MINDY4: variants seen among roughly 807,000 people sequenced by gnomAD.
MINDY4 encodes the protein probable ubiquitin carboxyl-terminal hydrolase MINDY-4.
In MINDY4, 68 loss-of-function variants were observed where a neutral mutation model predicts 87.0. That is an observed-to-expected ratio of 0.78 (90% confidence interval 0.64 to 0.96). The LOEUF (loss-of-function observed/expected upper bound fraction) is 0.96. Among genes scored for constraint, MINDY4 ranks in the 40% least tolerant of loss-of-function variants. The pLI, the probability that MINDY4 is intolerant of heterozygous loss-of-function variation, is 0.00. For synonymous variants in MINDY4, 379 were observed against 363.2 expected (o/e 1.04, Z -0.50); for missense variants, 919 against 928.2 (o/e 0.99, Z 0.13).
At chr7:30,786,451 G>C (rs887815546) in intron 4 of MINDY4, 1 of 159,264 alleles carries the variant, frequency 6.3e-6, no homozygotes, top group African/African-American at 2.4e-5. Flanking sequence ...TTGTCCCACC[G>C]CCCCATCTCT....
Position 30,804,338 on chromosome 7 carries a change from G to A in MINDY4, c.1073+12764G>A, listed in dbSNP as rs530633880. ...TGTTGAGGCCAGTTTTGTGGTCATA[G>A]GTCCCTCAGAAGTGGGGCCTTTTCC... On this transcript the variant is annotated intron_variant, in intron 5 of 17. Coordinates refer to ENST00000265299, the MANE Select transcript of MINDY4 (RefSeq NM_032222.3). 4.6e-5 allele frequency among the ~76,000 whole-genome samples: 7 copies of A among 152,276 alleles called. No homozygotes were observed. The East Asian group carries it at 9.6e-4, about 21-fold the overall frequency.
chr7:30,819,352 C>CT (rs1480099452), intron 5 of MINDY4, among the ~76,000 whole-genome samples: 1 of 151,972 alleles, frequency 6.6e-6, no homozygotes, highest in East Asian at 1.9e-4. Context: ...TCATTGAATT[C>CT]TTTTTTTATT....
At chr7:30,888,375 A>C (rs1248364058) in intron 17 of MINDY4, among the ~76,000 whole-genome samples, 2 of 152,156 alleles carry the variant, frequency 1.3e-5, no homozygotes, top group Non-Finnish European at 2.9e-5. Context: ...CATAATGCAC[A>C]CCACGGTCTC....
chr7:30,891,674 G>A (rs1057502315), intron 17 of MINDY4, among the ~76,000 whole-genome samples: 1 of 152,200 alleles, frequency 6.6e-6, no homozygotes, highest in African/African-American at 2.4e-5. Flanking sequence ...CCTCAGTGGA[G>A]GGCCCAGCAG....
chr7:30,871,297 C>T (rs1790100497), intron 13 of MINDY4, among the ~76,000 whole-genome samples: 1 of 152,232 alleles, frequency 6.6e-6, no homozygotes, highest in Non-Finnish European at 1.5e-5. Flanking sequence ...TTGCAATTGC[C>T]ACCTGCTGAG....
Position 30,778,526 on chromosome 7 carries a change from T to G in MINDY4, c.158T>G (p.Leu53Arg), listed in dbSNP as rs201946407. The change falls in exon 2 of 18, where the codon CTT (leucine) becomes CGT (arginine). Residue 53 changes from leucine to arginine, a missense_variant. By Grantham distance (102) the Leu-to-Arg change is moderately radical. Coordinates refer to ENST00000265299, the MANE Select transcript of MINDY4 (RefSeq NM_032222.3). Reference sequence around the variant, plus strand: ...AATGATCTTCGAAAGGTTTTGCATCTTGAATTTCTCTATAAGGAGAACAAG... The same window carrying G: ...AATGATCTTCGAAAGGTTTTGCATCGTGAATTTCTCTATAAGGAGAACAAG... Reference protein sequence around the residue: ...NRNDLRKVLHLEFLYKENKAK... With the variant: ...NRNDLRKVLHREFLYKENKAK... 6.2e-3 allele frequency: 10,061 copies of G among 1,614,194 alleles called. 44 individuals carry two copies. The highest frequency in any genetic ancestry group is 7.9e-3 in the Non-Finnish European group (9,344 of 1,179,984).
intron 7 of MINDY4, among the ~76,000 whole-genome samples, chr7:30,838,877 A>T (rs1788941635): frequency 6.6e-6 from 1 of 152,208 alleles, no homozygotes; most frequent in South Asian, 2.1e-4. Context: ...GTGGAAGATC[A>T]GAGGACCTCC....
intron 5 of MINDY4, among the ~76,000 whole-genome samples, chr7:30,824,917 C>T (rs1418110332): frequency 6.6e-6 from 1 of 152,124 alleles, no homozygotes; most frequent in African/African-American, 2.4e-5. Context: ...TTCAGTTATT[C>T]AGAGATTGAG....
chr7:30,817,570 G>A (rs1186181312), intron 5 of MINDY4, among the ~76,000 whole-genome samples: 1 of 152,064 alleles, frequency 6.6e-6, no homozygotes, highest in Non-Finnish European at 1.5e-5. Flanking sequence ...TGTCCCTGGT[G>A]GGCACCTCCA....
chr7:30,873,838 C>T (rs1237045289), intron 14 of MINDY4, among the ~76,000 whole-genome samples: 1 of 152,232 alleles, frequency 6.6e-6, no homozygotes, highest in East Asian at 1.9e-4. Flanking sequence ...TCAGCAGCTG[C>T]TGCCCCTGAC....
At chr7:30,795,765 C>G (rs955473111) in intron 5 of MINDY4, among the ~76,000 whole-genome samples, 1 of 152,206 alleles carries the variant, frequency 6.6e-6, no homozygotes, top group Non-Finnish European at 1.5e-5. Flanking sequence ...GTTTCTTTGC[C>G]TTTTCCAGGT....
intron 5 of MINDY4, 108 bp downstream of exon 5, chr7:30,791,682 C>T: frequency 8.2e-7 from 1 of 1,220,812 alleles, no homozygotes. Context: ...TCCTTGGTCT[C>T]TCAGAACAAG....
At chr7:30,831,205 C>T (rs936478642) in intron 6 of MINDY4, among the ~76,000 whole-genome samples, 1 of 152,170 alleles carries the variant, frequency 6.6e-6, no homozygotes, top group Non-Finnish European at 1.5e-5. Flanking sequence ...CGAATTTCAC[C>T]TGTTATAGGA....
chr7:30,878,354 A>G (rs1318290372), intron 15 of MINDY4, among the ~76,000 whole-genome samples: 1 of 152,044 alleles, frequency 6.6e-6, no homozygotes, highest in Admixed American at 6.5e-5. Context: ...GATGACCCAT[A>G]CTCAGGGTGT....
Position 30,849,842 on chromosome 7 carries a change from C to T in MINDY4, c.1446-612C>T, listed in dbSNP as rs188495418. ...CTTTATCTTCTATCTCCAGCTACCT[C>T]TTCCCAGCCACATTGTCCTTATTTT... On this transcript the variant is annotated intron_variant, in intron 9 of 17. Transcript: ENST00000265299. Among the ~76,000 whole-genome samples the T allele has an allele frequency of 8.1e-4, 124 of 152,372 alleles. 1 individual carries two copies. The highest frequency in any genetic ancestry group is 2.8e-3 in the African/African-American group (117 of 41,592).
intron 17 of MINDY4, among the ~76,000 whole-genome samples, chr7:30,890,651 TG>T (rs1790769502): frequency 6.6e-6 from 1 of 152,202 alleles, no homozygotes; most frequent in South Asian, 2.1e-4. Context: ...TTGCTGCCTT[TG>T]GAAGGGACAC....
At chr7:30,877,024 C>A (rs921526699) in intron 15 of MINDY4, among the ~76,000 whole-genome samples, 1 of 152,126 alleles carries the variant, frequency 6.6e-6, no homozygotes, top group African/African-American at 2.4e-5. Context: ...GATCCCCTCT[C>A]TGGATGATAC....
At chr7:30,827,027 T>C (rs918427298) in intron 5 of MINDY4, among the ~76,000 whole-genome samples, 6 of 152,180 alleles carry the variant, frequency 3.9e-5, no homozygotes, top group African/African-American at 9.7e-5. Context: ...CATATAAAGA[T>C]GTCAGGGGCC....
intron 15 of MINDY4, among the ~76,000 whole-genome samples, chr7:30,877,697 T>TTC (rs1554285654): frequency 4.7e-5 from 7 of 147,932 alleles, no homozygotes; most frequent in African/African-American, 1.0e-4. Flanking sequence ...TTTTTTTTTT[T>TTC]TTGAGACAAG....
Sources: gnomAD v4.1 joint callset for allele counts (sites outside exome capture counted in the v4.1 genomes callset) on GRCh38, gnomAD v4.1.1 for gene constraint, MANE v1.5 for transcripts, NCBI Gene and HGNC (gene_info 2026-07-23, HGNC 2026-07-21) for gene names.